ARL13B: variants seen among roughly 807,000 people sequenced by gnomAD.
ARL13B encodes ARF like GTPase 13B.
A neutral mutation model predicts 56.1 loss-of-function variants in ARL13B; 36 were observed. The observed-to-expected ratio is 0.64, with a 90% confidence interval of 0.49 to 0.85. The LOEUF (loss-of-function observed/expected upper bound fraction) is 0.85. Among genes scored for constraint, ARL13B ranks in the 40% least tolerant of loss-of-function variants. The probability of loss-of-function intolerance (pLI) is 0.00; values close to 1 mark genes in which losing one functional copy is unlikely to be tolerated. For synonymous variants in ARL13B, 178 were observed against 171.1 expected, an observed-to-expected ratio of 1.04 and a Z score of -0.32; for missense variants, 519 against 507.1, an observed-to-expected ratio of 1.02 and a Z score of -0.23.
At chr3:94,004,635 A>C (rs1016372054) in intron 3 of ARL13B, among the ~76,000 whole-genome samples, 5 of 152,016 alleles carry the variant, frequency 3.3e-5, no homozygotes, top group Non-Finnish European at 5.9e-5. Flanking sequence ...AAGGATTAAA[A>C]AAAAAAAAAA....
At chr3:94,049,578 A>G (rs960874987) in intron 8 of ARL13B, 56 bp downstream of exon 8, 2 of 1,166,554 alleles carry the variant, frequency 1.7e-6, no homozygotes, top group African/African-American at 1.6e-5. Context: ...ACAACAGAGA[A>G]AAAAAAAAAG....
In ARL13B at chr3:94,054,228, A is replaced by C; in HGVS notation, c.*965A>C. 2.2e-6 allele frequency: 1 copy of C among 452,778 alleles called. No homozygotes were observed. The highest frequency in any genetic ancestry group is 4.4e-6 in the Non-Finnish European group (1 of 225,938). 28.0% of individuals were successfully genotyped at this position (452,778 alleles called of 1,614,324 possible). ...ATGAAATTAAAGGCAGAAAAACTGG[A>C]AAACCTACTGCAGGTCCAGAGACTT... On this transcript the variant is annotated 3_prime_UTR_variant, in exon 10 of 10. Transcript: ENST00000394222.
chr3:94,026,021 CTTT>C (rs548770030), intron 3 of ARL13B, among the ~76,000 whole-genome samples: 10 of 140,262 alleles, frequency 7.1e-5, no homozygotes, highest in Admixed American at 2.2e-4. Context: ...GAAAACTTCT[CTTT>C]TTTTTTTTTT....
rs750665721 is a variant in ARL13B, at chr3:94,054,031, T to C, written c.*768T>C. 7.2e-5 allele frequency: 31 copies of C among 432,230 alleles called. No individual in the cohort carries two copies. Among genetic ancestry groups the C allele is most frequent in the Non-Finnish European group, 1.3e-4 (29 of 217,446 alleles). 26.8% of individuals were successfully genotyped at this position (432,230 alleles called of 1,614,324 possible). A position where few individuals can be genotyped will look rare whatever the true frequency, so the allele number is the denominator to read the frequency against. On this transcript the variant is annotated 3_prime_UTR_variant, in exon 10 of 10. Coordinates refer to ENST00000394222, the MANE Select transcript of ARL13B (RefSeq NM_001174150.2). Reference sequence around the variant, plus strand: ...ATACCTTTTGTACCTAAATGTTTTTTAAATTAATCAAAATACATTCTGTGA... The same window carrying C: ...ATACCTTTTGTACCTAAATGTTTTTCAAATTAATCAAAATACATTCTGTGA...
In ARL13B at chr3:94,050,874, G is replaced by GGT. The variant is rs2077055779; in HGVS notation, c.1194_1195dup (p.Glu399ValfsTer29). On this transcript the variant is annotated frameshift_variant, in exon 9 of 10. Transcript: ENST00000394222. LOFTEE classifies it high-confidence loss of function. The stretch of plus-strand genomic sequence containing the variant: ...TAGACTTCCAAAACTTGAGCCTCTT[G>GGT]GTGAAACACATCATAATGGTAATGC... 1 of 1,612,886 alleles carries GGT rather than the reference G, an allele frequency of 6.2e-7. No homozygotes were observed. The highest frequency in any genetic ancestry group is 1.1e-5 in the South Asian group (1 of 91,068).
chr3:94,024,895 T>C (rs921107589), intron 3 of ARL13B, among the ~76,000 whole-genome samples: 2 of 152,120 alleles, frequency 1.3e-5, no homozygotes, highest in African/African-American at 2.4e-5. Context: ...GCCTCTTTTT[T>C]AAAAAAATTA....
Position 94,053,466 on chromosome 3 carries a change from G to T in ARL13B, c.*203G>T. 1.5e-6 allele frequency: 1 copy of T among 678,766 alleles called. No individual in the cohort carries two copies. Among genetic ancestry groups the T allele is most frequent in the Non-Finnish European group, 2.7e-6 (1 of 373,684 alleles). The allele number at this position is 678,766 out of a possible 1,614,324, so 42.0% of individuals were successfully genotyped here. A position where few individuals can be genotyped will look rare whatever the true frequency, so the allele number is the denominator to read the frequency against. On this transcript the variant is annotated 3_prime_UTR_variant, in exon 10 of 10. Transcript: ENST00000394222. The stretch of plus-strand genomic sequence containing the variant: ...GTTAAAAAAATAAAAGAAGCACAAT[G>T]ACCAGTACATGAAATCAGCATTTGG...
At position 94,054,137 on chromosome 3, in the gene ARL13B, G is replaced by A; in HGVS notation, c.*874G>A. The A allele has an allele frequency of 2.2e-6, 1 of 453,042 alleles. No homozygotes were observed. The allele number at this position is 453,042 out of a possible 1,614,324, so 28.1% of individuals were successfully genotyped here. ...ATCAAGGTGCTCCCTATACTCCCTT[G>A]TTCCATCAGAAGCTGCAGTGACTCT... On this transcript the variant is annotated 3_prime_UTR_variant, in exon 10 of 10. Transcript: ENST00000394222.
At position 94,043,183 on chromosome 3, in the gene ARL13B, G is replaced by T; in HGVS notation, c.967G>T (p.Ala323Ser). Residue 323 changes from alanine (A) to serine (S), a missense_variant, in exon 7 of 10, where the codon GCA becomes TCA. By Grantham distance (99) the Ala-to-Ser change is moderately conservative. Transcript: ENST00000394222. ...EFGLVENYKE[A>S]LTQQLKNEDE... Reference sequence around the variant, plus strand: ...TGGACTAGTAGAAAATTATAAGGAGGCATTAACACAGCAGTTAAAGAATGA... The same window carrying T: ...TGGACTAGTAGAAAATTATAAGGAGTCATTAACACAGCAGTTAAAGAATGA... The T allele has an allele frequency of 6.2e-7, 1 of 1,613,416 alleles. No individual in the cohort carries two copies. The highest frequency in any genetic ancestry group is 2.2e-5 in the East Asian group (1 of 44,784).
intron 3 of ARL13B, among the ~76,000 whole-genome samples, chr3:94,011,887 C>T (rs1349564158): frequency 2.0e-5 from 3 of 152,152 alleles, no homozygotes; most frequent in African/African-American, 7.2e-5. Flanking sequence ...CTTTCCTCTG[C>T]AGACTCCATT....
Position 94,035,398 on chromosome 3 carries a change from GA to G in ARL13B, c.453del (p.Lys151AsnfsTer12). On this transcript the variant is annotated frameshift_variant, in exon 4 of 10. Coordinates refer to ENST00000394222, the MANE Select transcript of ARL13B (RefSeq NM_001174150.2). LOFTEE classifies it high-confidence loss of function. The part of the protein sequence containing the change: ...EADVIECLSL[E>X]KLVNEHKCLC... ...TGATGTCATTGAATGTCTATCTCTG[GA>G]AAAATTGGTCAATGAGCACAAGTGC... 6.2e-7 allele frequency: 1 copy of G among 1,604,744 alleles called. No individual in the cohort carries two copies. The highest frequency in any genetic ancestry group is 8.5e-7 in the Non-Finnish European group (1 of 1,177,514).
In ARL13B at chr3:94,054,961, A is replaced by C. The variant is rs1264880009; in HGVS notation, c.*1698A>C. On this transcript the variant is annotated 3_prime_UTR_variant, in exon 10 of 10. Transcript: ENST00000394222. ...TTAAAACTAAACTCATACTTTTGCTATCTTTTTAATATTTATCTCGTTTGG... is the reference window on the plus strand; with the variant it reads ...TTAAAACTAAACTCATACTTTTGCTCTCTTTTTAATATTTATCTCGTTTGG... 3.4e-6 allele frequency: 1 copy of C among 290,124 alleles called. No individual in the cohort carries two copies. Among genetic ancestry groups the C allele is most frequent in the African/African-American group, 2.3e-5 (1 of 44,124 alleles). The allele number at this position is 290,124 out of a possible 1,614,324, so 18.0% of individuals were successfully genotyped here.
At chr3:94,016,693 C>G (rs1376836409) in intron 3 of ARL13B, among the ~76,000 whole-genome samples, 1 of 149,864 alleles carries the variant, frequency 6.7e-6, no homozygotes, top group African/African-American at 2.5e-5. Context: ...GATGCCCCGG[C>G]TGGCATGCAG....
chr3:94,024,255 TGAA>T (rs2076509476), intron 3 of ARL13B, among the ~76,000 whole-genome samples: 2 of 152,186 alleles, frequency 1.3e-5, no homozygotes, highest in African/African-American at 2.4e-5. Flanking sequence ...CATATATAGC[TGAA>T]GTGCTAGTTG....
Position 93,998,731 on chromosome 3 carries a change from A to C in ARL13B, c.130+2787A>C, listed in dbSNP as rs376407916. Among the ~76,000 whole-genome samples the C allele has an allele frequency of 2.6e-5, 4 of 152,148 alleles. No homozygotes were observed. In the East Asian group the frequency reaches 7.7e-4, roughly 29 times the overall value. On this transcript the variant is annotated intron_variant, in intron 2 of 9. Coordinates refer to ENST00000394222, the MANE Select transcript of ARL13B (RefSeq NM_001174150.2). ...CCACTTTTTTGGCCTGCTCTTCCTG[A>C]TACCTACTTGGTCACTACTTAATTA...
At chr3:93,989,883 A>G (rs761944260) in intron 1 of ARL13B, among the ~76,000 whole-genome samples, 5 of 152,214 alleles carry the variant, frequency 3.3e-5, no homozygotes, top group African/African-American at 7.2e-5. Flanking sequence ...CAGCCTTTCT[A>G]GTAATCAAAG....
At chr3:93,988,258 G>A (rs1346575890) in intron 1 of ARL13B, among the ~76,000 whole-genome samples, 1 of 151,376 alleles carries the variant, frequency 6.6e-6, no homozygotes, top group Non-Finnish European at 1.5e-5. Context: ...AAAAAACATG[G>A]CAATAGAAGT....
intron 3 of ARL13B, among the ~76,000 whole-genome samples, chr3:94,034,438 C>A (rs2076732221): frequency 6.6e-6 from 1 of 151,116 alleles, no homozygotes; most frequent in African/African-American, 2.4e-5. Context: ...TGTGGTAAAT[C>A]CTGTTTTTCT....
In ARL13B at chr3:94,015,045, C is replaced by T. The variant is rs968616997; in HGVS notation, c.380+11137C>T. 6.8e-6 allele frequency: 11 copies of T among 1,613,912 alleles called. No individual in the cohort carries two copies. The African/African-American group carries it at 1.1e-4, about 16-fold the overall frequency. On this transcript the variant is annotated intron_variant, in intron 3 of 9. Transcript: ENST00000394222. ...TTCTCATTGAAGCCACCAGACTTTT[C>T]TGTTGCTGCCCAAATTTTTGAACAT...
Sources: gnomAD v4.1 joint callset for allele counts (sites outside exome capture counted in the v4.1 genomes callset) on GRCh38, gnomAD v4.1.1 for gene constraint, MANE v1.5 for transcripts, NCBI Gene and HGNC (gene_info 2026-07-23, HGNC 2026-07-21) for gene names.